DLGAP1: variants seen among roughly 807,000 people sequenced by gnomAD.
DLGAP1 encodes the protein DLG associated protein 1, also known as disks large-associated protein 1.
Under a neutral mutation model 90.8 loss-of-function variants are expected in DLGAP1, and 11 were observed. The observed-to-expected ratio is 0.12, with a 90% CI of 0.08 to 0.20. The LOEUF is 0.20. Ranked by LOEUF, DLGAP1 falls within the 10% of genes least tolerant of loss-of-function variation. DLGAP1 has a pLI of 1.00. For synonymous variants in DLGAP1, 558 were observed against 540.7 expected (o/e 1.03, Z -0.44); for missense variants, 1,050 against 1,333.8 (o/e 0.79, Z 3.31).
At chr18:4,051,072 A>G (rs1379985497) in intron 2 of DLGAP1, among the ~76,000 whole-genome samples, 1 of 152,100 alleles carries the variant, frequency 6.6e-6, no homozygotes, top group Non-Finnish European at 1.5e-5. Flanking sequence ...TTTCCCAAAC[A>G]GTTTGTGTGT....
At chr18:4,054,234 C>T (rs551769889) in intron 2 of DLGAP1, among the ~76,000 whole-genome samples, 1 of 152,254 alleles carries the variant, frequency 6.6e-6, no homozygotes, top group African/African-American at 2.4e-5. Context: ...CCATGGGAGC[C>T]CCATGAGGGA....
At chr18:3,568,831 T>A (rs185467442) in intron 8 of DLGAP1, among the ~76,000 whole-genome samples, 1 of 151,362 alleles carries the variant, frequency 6.6e-6, no homozygotes, top group South Asian at 2.1e-4. Context: ...GGACTACAGG[T>A]GCCCGCCACC....
At chr18:3,576,059 G>A (rs186315276) in intron 8 of DLGAP1, among the ~76,000 whole-genome samples, 1,964 of 152,122 alleles carry the variant, frequency 0.013, 34 homozygotes, top group African/African-American at 0.045. Context: ...TAGCAGCCTC[G>A]AGCCCATCTT....
chr18:3,805,713 T>TA (rs1416015866), intron 5 of DLGAP1, among the ~76,000 whole-genome samples: 2 of 152,234 alleles, frequency 1.3e-5, no homozygotes, highest in African/African-American at 4.8e-5. Context: ...GCTAAAGTCT[T>TA]AGACTCTTTA....
At chr18:3,564,125 C>T (rs912910913) in intron 9 of DLGAP1, among the ~76,000 whole-genome samples, 7 of 151,964 alleles carry the variant, frequency 4.6e-5, no homozygotes, top group Non-Finnish European at 8.8e-5. Flanking sequence ...TAGTATGCCT[C>T]GTAATTTTTT....
rs185877976 is a variant in DLGAP1 at position 4,352,579 on chromosome 18, C to T, written c.-267+102427G>A. Among the ~76,000 whole-genome samples, 484 of 152,182 alleles carry T rather than the reference C, an allele frequency of 3.2e-3. 2 individuals are homozygous for T. Among genetic ancestry groups the T allele is most frequent in the Non-Finnish European group, 5.6e-3 (379 of 68,006 alleles). On this transcript the variant is annotated intron_variant, in intron 1 of 12. Transcript: ENST00000315677. The stretch of plus-strand genomic sequence containing the variant: ...TTGTCATATAAAGTAGCCCCTAATG[C>T]CTGAATTTCCTTCATCTTCTAGCAG...
At chr18:4,257,765 T>C (rs1475691250) in intron 1 of DLGAP1, among the ~76,000 whole-genome samples, 2 of 151,558 alleles carry the variant, frequency 1.3e-5, no homozygotes, top group African/African-American at 2.4e-5. Flanking sequence ...GCTGAGACTA[T>C]AGATGCATGC....
At chr18:4,379,584 C>T (rs79012808) in intron 1 of DLGAP1, among the ~76,000 whole-genome samples, 2,075 of 152,182 alleles carry the variant, frequency 0.014, 21 homozygotes, top group Non-Finnish European at 0.02. Flanking sequence ...AAAATCTGCA[C>T]TTCATAATTT....
intron 5 of DLGAP1, among the ~76,000 whole-genome samples, chr18:3,801,502 G>T (rs1273015725): frequency 6.6e-6 from 1 of 152,130 alleles, no homozygotes; most frequent in African/African-American, 2.4e-5. Context: ...CATGGGCTCT[G>T]AATTCAAATC....
intron 7 of DLGAP1, among the ~76,000 whole-genome samples, chr18:3,643,805 G>A (rs2059026251): frequency 6.6e-6 from 1 of 152,048 alleles, no homozygotes; most frequent in African/African-American, 2.4e-5. Context: ...TGATGAAAGA[G>A]TACGTTGATG....
intron 3 of DLGAP1, among the ~76,000 whole-genome samples, chr18:3,920,909 G>C (rs2072255646): frequency 6.6e-6 from 1 of 152,184 alleles, no homozygotes; most frequent in African/African-American, 2.4e-5. Context: ...TTCAATGCTG[G>C]TAACTGCTAG....
chr18:3,697,158 A>G lies in DLGAP1; in HGVS notation c.1591+31977T>C, dbSNP rs190127120. On this transcript the variant is annotated intron_variant, in intron 7 of 12. Transcript: ENST00000315677. ...AAAAAACCAGCTCCTGGATTCATTG[A>G]TTTTTTTTTGAAGGGTTTTTTGTGT... 2.6e-4 allele frequency among the ~76,000 whole-genome samples: 39 copies of G among 150,952 alleles called. No homozygotes were observed. The East Asian group carries it at 5.1e-3, about 20-fold the overall frequency.
At chr18:3,580,518 A>AGGC (rs1232363815) in intron 8 of DLGAP1, 1 of 1,597,934 alleles carries the variant, frequency 6.3e-7, no homozygotes, top group Non-Finnish European at 8.6e-7. Context: ...GAGGAAGAGG[A>AGGC]GGCGGCGGCA....
intron 1 of DLGAP1, among the ~76,000 whole-genome samples, chr18:4,422,349 T>C (rs2083059063): frequency 6.6e-6 from 1 of 151,996 alleles, no homozygotes; most frequent in Non-Finnish European, 1.5e-5. Flanking sequence ...TAAAATGGTA[T>C]GTGTAGTATA....
chr18:3,704,184 G>T (rs2061366272), intron 7 of DLGAP1, among the ~76,000 whole-genome samples: 1 of 152,220 alleles, frequency 6.6e-6, no homozygotes, highest in African/African-American at 2.4e-5. Context: ...CCACATGCCA[G>T]GGACCCCAGA....
intron 5 of DLGAP1, among the ~76,000 whole-genome samples, chr18:3,765,724 C>T (rs2064213023): frequency 6.6e-6 from 1 of 151,848 alleles, no homozygotes; most frequent in Admixed American, 6.6e-5. Flanking sequence ...ATTCCAGCTA[C>T]TCAGGAGGCT....
chr18:4,334,128 C>T (rs375012931), intron 1 of DLGAP1, among the ~76,000 whole-genome samples: 26 of 151,432 alleles, frequency 1.7e-4, no homozygotes, highest in East Asian at 7.9e-4. Context: ...ATCCCAGGTA[C>T]GTGGGAAGCT....
intron 4 of DLGAP1, among the ~76,000 whole-genome samples, chr18:3,821,010 T>C (rs1212202040): frequency 1.3e-5 from 2 of 152,206 alleles, no homozygotes; most frequent in Non-Finnish European, 2.9e-5. Context: ...AAAGGTAAAA[T>C]GCAATGGCTC....
chr18:3,935,658 A>T (rs75211385), intron 3 of DLGAP1, among the ~76,000 whole-genome samples: 2,225 of 152,320 alleles, frequency 0.015, 46 homozygotes, highest in African/African-American at 0.051. Flanking sequence ...TAATGACAGT[A>T]ATACAAATGA....
Sources: gnomAD v4.1 joint callset for allele counts (sites outside exome capture counted in the v4.1 genomes callset) on GRCh38, gnomAD v4.1.1 for gene constraint, MANE v1.5 for transcripts, NCBI Gene and HGNC (gene_info 2026-07-23, HGNC 2026-07-21) for gene names.